The following MACROD2 variants were observed in gnomAD, a reference collection of about 807,000 sequenced individuals.
MACROD2 encodes the protein ADP-ribose glycohydrolase MACROD2.
Under a neutral mutation model 70.4 loss-of-function variants are expected in MACROD2, and 36 were observed. The observed-to-expected ratio is 0.51, with a 90% CI of 0.39 to 0.68. The LOEUF is 0.68. MACROD2 is among the 30% of genes least tolerant of loss of function. The pLI, the probability that MACROD2 is intolerant of heterozygous loss-of-function variation, is 0.00. For missense variants in MACROD2, 496 were observed against 538.4 expected, an observed-to-expected ratio of 0.92 and a Z score of 0.78; for synonymous variants, 172 against 178.8, an observed-to-expected ratio of 0.96 and a Z score of 0.30.
chr20:15,228,642 A>G (rs1568653390), intron 5 of MACROD2, among the ~76,000 whole-genome samples: 1 of 151,498 alleles, frequency 6.6e-6, no homozygotes, highest in African/African-American at 2.4e-5. Flanking sequence ...GGCACACACC[A>G]CCACGCCTGG....
chr20:14,165,402 T>C (rs2148720333), intron 3 of MACROD2, among the ~76,000 whole-genome samples: 1 of 152,272 alleles, frequency 6.6e-6, no homozygotes, highest in Non-Finnish European at 1.5e-5. Context: ...GCAGGCTGAC[T>C]TGCTTCCCTT....
chr20:15,176,638 A>T (rs2076464342), intron 5 of MACROD2, among the ~76,000 whole-genome samples: 1 of 152,012 alleles, frequency 6.6e-6, no homozygotes, highest in African/African-American at 2.4e-5. Context: ...CACTCAATGG[A>T]GCTCCTCTCC....
intron 4 of MACROD2, among the ~76,000 whole-genome samples, chr20:14,639,454 A>G (rs1340378357): frequency 1.3e-5 from 2 of 152,142 alleles, no homozygotes; most frequent in African/African-American, 4.8e-5. Context: ...GAGGCTAGGG[A>G]AATTCTTTTA....
At chr20:14,915,179 C>T (rs1896651366) in intron 5 of MACROD2, among the ~76,000 whole-genome samples, 1 of 152,120 alleles carries the variant, frequency 6.6e-6, no homozygotes, top group Non-Finnish European at 1.5e-5. Flanking sequence ...GTAAATTTAG[C>T]TCTAGAAAGG....
intron 6 of MACROD2, among the ~76,000 whole-genome samples, chr20:15,417,219 G>T (rs377158076): frequency 2.3e-4 from 35 of 152,208 alleles, no homozygotes; most frequent in African/African-American, 8.2e-4. Context: ...TGCAGTCTGG[G>T]CTACAATTAT....
At chr20:15,640,585 G>C (rs1051601884) in intron 8 of MACROD2, among the ~76,000 whole-genome samples, 3 of 152,210 alleles carry the variant, frequency 2.0e-5, no homozygotes, top group South Asian at 4.1e-4. Context: ...AGAGAACATA[G>C]TCATGTGGCC....
intron 2 of MACROD2, among the ~76,000 whole-genome samples, chr20:14,068,828 G>A (rs1046257070): frequency 6.6e-6 from 1 of 152,184 alleles, no homozygotes; most frequent in African/African-American, 2.4e-5. Context: ...AGCCTTACAT[G>A]GTGGGCTGTT....
intron 3 of MACROD2, among the ~76,000 whole-genome samples, chr20:14,249,937 C>A (rs1278234833): frequency 6.6e-6 from 1 of 151,988 alleles, no homozygotes; most frequent in East Asian, 1.9e-4. Context: ...GTTCATCAAC[C>A]AAAGTCAAAG....
chr20:15,168,545 G>A (rs142406857), intron 5 of MACROD2, among the ~76,000 whole-genome samples: 12 of 150,770 alleles, frequency 8.0e-5, no homozygotes, highest in Middle Eastern at 6.9e-3. Context: ...TTGAAAGCAG[G>A]GACTCGAACA....
At position 14,539,043 on chromosome 20, in the gene MACROD2, G is replaced by A. The variant is rs114381754; in HGVS notation, c.301+45535G>A. Among the ~76,000 whole-genome samples the A allele has an allele frequency of 4.9e-3, 753 of 152,282 alleles. 5 individuals are homozygous for A. The highest frequency in any genetic ancestry group is 0.016 in the African/African-American group (682 of 41,554). On this transcript the variant is annotated intron_variant, in intron 4 of 17. Coordinates refer to ENST00000684519, the MANE Select transcript of MACROD2 (RefSeq NM_001351661.2). ...TTTCACATATGACTGGCTAACTGCT[G>A]AGTAAGGAAATGAGTGAATGAATGA... is the stretch of plus-strand genomic sequence containing the variant.
intron 8 of MACROD2, among the ~76,000 whole-genome samples, chr20:15,511,536 C>T (rs1457381935): frequency 6.6e-6 from 1 of 152,158 alleles, no homozygotes; most frequent in Non-Finnish European, 1.5e-5. Context: ...TGTCAGTTTA[C>T]AACATAAGGC....
intron 3 of MACROD2, among the ~76,000 whole-genome samples, chr20:14,471,690 A>C (rs2084532608): frequency 6.6e-6 from 1 of 152,166 alleles, no homozygotes; most frequent in African/African-American, 2.4e-5. Context: ...TAAAACAAAA[A>C]TGAACCTTAG....
intron 6 of MACROD2, among the ~76,000 whole-genome samples, chr20:15,429,479 A>G (rs2046338748): frequency 6.6e-6 from 1 of 152,174 alleles, no homozygotes; most frequent in Admixed American, 6.6e-5. Flanking sequence ...GTTGAGCTTA[A>G]CAAAGTCAAT....
At chr20:15,712,347 AC>A (rs2146918153) in intron 8 of MACROD2, among the ~76,000 whole-genome samples, 1 of 152,254 alleles carries the variant, frequency 6.6e-6, no homozygotes, top group African/African-American at 2.4e-5. Flanking sequence ...AGGCCGAATG[AC>A]CCTGGGTTTG....
intron 8 of MACROD2, among the ~76,000 whole-genome samples, chr20:15,690,291 C>G (rs2050283005): frequency 1.3e-5 from 2 of 152,094 alleles, no homozygotes; most frequent in South Asian, 4.1e-4. Context: ...GCAGGATAAT[C>G]TGGGATGGCA....
At chr20:15,335,384 A>G (rs879383392) in intron 6 of MACROD2, among the ~76,000 whole-genome samples, 1 of 151,676 alleles carries the variant, frequency 6.6e-6, no homozygotes, top group Non-Finnish European at 1.5e-5. Context: ...TATTATATGT[A>G]ATCAGATTTG....
chr20:15,844,330 T>C (rs1466969529), intron 8 of MACROD2, among the ~76,000 whole-genome samples: 1 of 152,084 alleles, frequency 6.6e-6, no homozygotes, highest in Non-Finnish European at 1.5e-5. Context: ...GACGAACACA[T>C]AAAATGTCAT....
intron 15 of MACROD2, among the ~76,000 whole-genome samples, chr20:16,031,659 C>A (rs1309349170): frequency 6.6e-6 from 1 of 152,052 alleles, no homozygotes; most frequent in Non-Finnish European, 1.5e-5. Flanking sequence ...CAATGGCATG[C>A]TCATCGATAT....
At chr20:15,896,907 C>T (rs1464298167) in intron 10 of MACROD2, among the ~76,000 whole-genome samples, 3 of 152,068 alleles carry the variant, frequency 2.0e-5, no homozygotes, top group African/African-American at 4.8e-5. Context: ...ATGATAATGC[C>T]ATCTGTGAAC....
Sources: allele counts gnomAD v4.1 joint callset (sites outside exome capture counted in the v4.1 genomes callset), GRCh38; gene constraint gnomAD v4.1.1; transcripts MANE v1.5; gene names NCBI Gene and HGNC (gene_info 2026-07-23, HGNC 2026-07-21).